The following ANKS1B variants were observed in gnomAD, a reference collection of about 807,000 sequenced individuals.
ANKS1B encodes ankyrin repeat and sterile alpha motif domain-containing protein 1B.
In ANKS1B, 36 loss-of-function variants were observed where a neutral mutation model predicts 148.3. That is an observed-to-expected ratio of 0.24 (90% CI 0.19 to 0.32). ANKS1B has a LOEUF of 0.32. ANKS1B is among the 10% of genes least tolerant of loss of function. ANKS1B has a pLI of 1.00. For missense variants in ANKS1B, 1,157 were observed against 1,542.6 expected (o/e 0.75, Z 4.19); for synonymous variants, 542 against 560.8 (o/e 0.97, Z 0.47).
chr12:99,620,525 TA>T (rs1472834175), intron 9 of ANKS1B, among the ~76,000 whole-genome samples: 1 of 152,160 alleles, frequency 6.6e-6, no homozygotes, highest in Non-Finnish European at 1.5e-5. Flanking sequence ...TAAACATCTT[TA>T]AAAGAAATCA....
rs115319172 is a variant in ANKS1B at position 99,836,300 on chromosome 12, C to T, written c.135-10911G>A. Among the ~76,000 whole-genome samples the T allele has an allele frequency of 7.8e-3, 1,192 of 151,954 alleles. 16 individuals are homozygous for T. Among genetic ancestry groups the T allele is most frequent in the African/African-American group, 0.027 (1,128 of 41,438 alleles). On this transcript the variant is annotated intron_variant, in intron 1 of 26. Coordinates refer to ENST00000683438, the MANE Select transcript of ANKS1B (RefSeq NM_001352186.2). ...AATACATGTCTATTTGAGTCACAAACAATTTCTTAAAGATATCTTGCCTTT... is the reference window on the plus strand; with the variant it reads ...AATACATGTCTATTTGAGTCACAAATAATTTCTTAAAGATATCTTGCCTTT...
chr12:99,488,422 A>G (rs1033565028), intron 10 of ANKS1B, among the ~76,000 whole-genome samples: 2 of 152,008 alleles, frequency 1.3e-5, no homozygotes, highest in African/African-American at 4.8e-5. Context: ...TTTAGTCTTC[A>G]TTATTGGTTT....
chr12:99,151,317 C>T (rs983348833), intron 15 of ANKS1B, among the ~76,000 whole-genome samples: 1 of 152,040 alleles, frequency 6.6e-6, no homozygotes, highest in Non-Finnish European at 1.5e-5. Context: ...CATTTAAGAT[C>T]AGGAGTTCTA....
Position 99,140,758 on chromosome 12 carries a change from C to T in ANKS1B, c.2526+13531G>A, listed in dbSNP as rs1260058772. On this transcript the variant is annotated intron_variant, in intron 15 of 26. Coordinates refer to ENST00000683438, the MANE Select transcript of ANKS1B (RefSeq NM_001352186.2). The stretch of plus-strand genomic sequence containing the variant: ...TCTAATTCCTGTGGAGCATGATTGT[C>T]TTTTCCATGCTGAATCTAATGATTA... 2.0e-5 allele frequency among the ~76,000 whole-genome samples: 3 copies of T among 152,078 alleles called. No homozygotes were observed. The East Asian group carries it at 5.8e-4, about 29-fold the overall frequency.
intron 12 of ANKS1B, among the ~76,000 whole-genome samples, chr12:99,386,794 C>T (rs1175054852): frequency 1.3e-5 from 2 of 152,140 alleles, no homozygotes; most frequent in East Asian, 1.9e-4. Flanking sequence ...TTAAAAATGA[C>T]ATATCTCCCT....
intron 17 of ANKS1B, among the ~76,000 whole-genome samples, 194 bp from the exon 18 acceptor site, chr12:98,832,330 CA>C (rs2099325102): frequency 6.6e-6 from 1 of 152,106 alleles, no homozygotes; most frequent in African/African-American, 2.4e-5. Flanking sequence ...GGCTAAGTAT[CA>C]GGGGCACAAA....
At chr12:99,811,899 T>G (rs1353093040) in intron 3 of ANKS1B, among the ~76,000 whole-genome samples, 1 of 151,910 alleles carries the variant, frequency 6.6e-6, no homozygotes, top group Non-Finnish European at 1.5e-5. Flanking sequence ...GCTGATTATA[T>G]AAGACAGGCA....
At chr12:99,766,024 T>C (rs2062611949) in intron 8 of ANKS1B, among the ~76,000 whole-genome samples, 1 of 152,174 alleles carries the variant, frequency 6.6e-6, no homozygotes, top group South Asian at 2.1e-4. Context: ...AGAAAGATGG[T>C]TGAGATTCCC....
intron 9 of ANKS1B, among the ~76,000 whole-genome samples, chr12:99,621,185 G>C (rs1340408443): frequency 2.0e-5 from 3 of 151,974 alleles, no homozygotes; most frequent in Non-Finnish European, 4.4e-5. Flanking sequence ...ACCTCTTCCA[G>C]ACAAGCAAGC....
chr12:99,028,924 A>T (rs894974046), intron 17 of ANKS1B, among the ~76,000 whole-genome samples: 7 of 152,178 alleles, frequency 4.6e-5, no homozygotes, highest in African/African-American at 1.7e-4. Context: ...AACTCCTTTA[A>T]TGAATACTAA....
chr12:99,034,995 A>G (rs2099954603), intron 17 of ANKS1B, among the ~76,000 whole-genome samples: 1 of 152,222 alleles, frequency 6.6e-6, no homozygotes, highest in South Asian at 2.1e-4. Context: ...CAAGGAGGTG[A>G]CATGATGTGA....
At chr12:99,308,798 T>G (rs1439344668) in intron 12 of ANKS1B, among the ~76,000 whole-genome samples, 2 of 151,518 alleles carry the variant, frequency 1.3e-5, no homozygotes, top group South Asian at 2.1e-4. Flanking sequence ...GTTCTGTATT[T>G]TTTTCCACAA....
chr12:98,922,824 A>T (rs1185768660), intron 17 of ANKS1B, among the ~76,000 whole-genome samples: 2 of 152,170 alleles, frequency 1.3e-5, no homozygotes, highest in African/African-American at 4.8e-5. Context: ...TGAATGTTGC[A>T]TACACATGTA....
intron 8 of ANKS1B, among the ~76,000 whole-genome samples, chr12:99,715,340 C>A (rs2057170907): frequency 6.6e-6 from 1 of 152,024 alleles, no homozygotes; most frequent in South Asian, 2.1e-4. Flanking sequence ...TGTGAAATTC[C>A]TTCTCCTGGC....
At chr12:99,378,512 G>T (rs529221622) in intron 12 of ANKS1B, among the ~76,000 whole-genome samples, 1 of 151,882 alleles carries the variant, frequency 6.6e-6, no homozygotes, top group Admixed American at 6.6e-5. Flanking sequence ...AAAATTAGCT[G>T]GGCGTGGTGA....
intron 17 of ANKS1B, among the ~76,000 whole-genome samples, chr12:98,909,499 G>T (rs928998900): frequency 4.1e-4 from 63 of 152,122 alleles, no homozygotes; most frequent in Non-Finnish European, 2.8e-4. Flanking sequence ...TGACACTTTA[G>T]CAGACTATCT....
rs748395483 is a variant in ANKS1B at position 99,806,550 on chromosome 12, T to C, written c.523A>G (p.Arg175Gly). 2 of 1,613,964 alleles carry C rather than the reference T, an allele frequency of 1.2e-6. No individual in the cohort carries two copies. The highest frequency in any genetic ancestry group is 1.7e-6 in the Non-Finnish European group (2 of 1,179,882). The change falls in exon 4 of 27, where the codon AGA becomes GGA. Residue 175 changes from arginine (R) to glycine (G), a missense_variant. By Grantham distance (125) the Arg-to-Gly change is moderately radical. Around this residue, in one of 6 missense-constraint regions of ANKS1B, gnomAD observed 164 missense variants for 232.6 expected, o/e 0.71. Transcript: ENST00000683438. ...GCACTGATGATCATTTTTACCACTC[T>C]AAGCCGTCCGTAGAGTGCCGCCAAG... ...LDLAALYGRLRVVKMIISAHP... is the reference protein window; with the variant it reads ...LDLAALYGRLGVVKMIISAHP...
At chr12:99,808,588 A>G (rs942678478) in intron 3 of ANKS1B, among the ~76,000 whole-genome samples, 1 of 152,064 alleles carries the variant, frequency 6.6e-6, no homozygotes, top group African/African-American at 2.4e-5. Context: ...TTCATAAACA[A>G]TGATCACATA....
chr12:99,863,709 C>T (rs1164255129), intron 1 of ANKS1B, among the ~76,000 whole-genome samples: 3 of 147,192 alleles, frequency 2.0e-5, no homozygotes, highest in East Asian at 2.0e-4. Context: ...AGCAAGACAC[C>T]GTCTCAAAAA....
Sources: allele counts gnomAD v4.1 joint callset (sites outside exome capture counted in the v4.1 genomes callset), GRCh38; gene constraint gnomAD v4.1.1; regional missense constraint gnomAD v4.1.1; transcripts MANE v1.5; gene names NCBI Gene and HGNC (gene_info 2026-07-23, HGNC 2026-07-21).